The following MTUS1 variants were observed in gnomAD, a reference collection of about 807,000 sequenced individuals.
The protein encoded by MTUS1 is microtubule associated scaffold protein 1.
A neutral mutation model predicts 120.8 loss-of-function variants in MTUS1; 109 were observed. That is an observed-to-expected ratio of 0.90 (90% confidence interval 0.77 to 1.06). The LOEUF (loss-of-function observed/expected upper bound fraction) is 1.06. MTUS1 is among the 50% of genes least tolerant of loss of function. The probability of loss-of-function intolerance (pLI) is 0.00; values close to 1 mark genes in which losing one functional copy is unlikely to be tolerated. For missense variants in MTUS1, 2,210 were observed against 1,486.3 expected (o/e 1.49, Z -8.01); for synonymous variants, 737 against 550.5 (o/e 1.34, Z -4.74).
At chr8:17,736,258 G>A (rs1052402280) in intron 3 of MTUS1, among the ~76,000 whole-genome samples, 7 of 152,236 alleles carry the variant, frequency 4.6e-5, no homozygotes, top group African/African-American at 1.7e-4. Flanking sequence ...ATGTCCGTGA[G>A]GATGAAAAGA....
chr8:17,695,598 T>C (rs980849521), intron 6 of MTUS1, among the ~76,000 whole-genome samples: 3 of 152,248 alleles, frequency 2.0e-5, no homozygotes, highest in African/African-American at 7.2e-5. Context: ...CTTGGAAAGC[T>C]ATCTGCTTCA....
intron 8 of MTUS1, among the ~76,000 whole-genome samples, chr8:17,671,496 G>A (rs1477632834): frequency 5.9e-5 from 9 of 152,200 alleles, no homozygotes; most frequent in African/African-American, 1.9e-4. Context: ...AAGAGTTTCT[G>A]CAGAAGCAAA....
chr8:17,678,774 G>C (rs1286762774), intron 7 of MTUS1, among the ~76,000 whole-genome samples: 1 of 150,594 alleles, frequency 6.6e-6, no homozygotes. Flanking sequence ...AGATGTGGAG[G>C]CATTTTGAAG....
chr8:17,705,820 C>T (rs571629420), intron 6 of MTUS1: 8 of 152,376 alleles, frequency 5.3e-5, no homozygotes, highest in Middle Eastern at 3.4e-3. Context: ...GACACTCTGG[C>T]ACCTGAGAGT....
chr8:17,685,385 G>C (rs952485062), intron 6 of MTUS1, among the ~76,000 whole-genome samples: 2 of 151,286 alleles, frequency 1.3e-5, no homozygotes, highest in Non-Finnish European at 2.9e-5. Context: ...AAACAGAATT[G>C]GAAAAACAGG....
intron 1 of MTUS1, among the ~76,000 whole-genome samples, chr8:17,768,360 A>G (rs2049730427): frequency 6.6e-6 from 1 of 152,224 alleles, no homozygotes; most frequent in South Asian, 2.1e-4. Context: ...CAAAACATGA[A>G]TAAGAGATCT....
At chr8:17,752,981 G>C (rs917749039) in intron 2 of MTUS1, among the ~76,000 whole-genome samples, 2 of 152,170 alleles carry the variant, frequency 1.3e-5, no homozygotes, top group African/African-American at 4.8e-5. Context: ...CCTTTACACT[G>C]CATGTGAATT....
intron 7 of MTUS1, among the ~76,000 whole-genome samples, chr8:17,682,307 G>C (rs1019068567): frequency 6.6e-6 from 1 of 152,124 alleles, no homozygotes; most frequent in Non-Finnish European, 1.5e-5. Context: ...CCTGAGGTCA[G>C]GAGTTCAAGA....
rs76567642 is a variant in MTUS1 at position 17,774,971 on chromosome 8, T to TAAA, written c.-154-19013_-154-19011dup. ...GGCTGAACCCTGAAAATATTATAAGTAAAAAAAAAAAAAAAAAAAAAACCA... is the reference window on the plus strand; with the variant it reads ...GGCTGAACCCTGAAAATATTATAAGTAAAAAAAAAAAAAAAAAAAAAAAAACCA... On this transcript the variant is annotated intron_variant, in intron 1 of 14. Transcript: ENST00000693296. 6.1e-3 allele frequency among the ~76,000 whole-genome samples: 587 copies of TAAA among 96,854 alleles called. 14 individuals are homozygous for TAAA. Among genetic ancestry groups the TAAA allele is most frequent in the Middle Eastern group, 8.6e-3 (1 of 116 alleles). 63.5% of individuals were successfully genotyped at this position (96,854 alleles called of 152,430 possible). A position where few individuals can be genotyped will look rare whatever the true frequency, so the allele number is the denominator to read the frequency against.
At chr8:17,784,646 T>G (rs1026360902) in intron 1 of MTUS1, among the ~76,000 whole-genome samples, 9 of 152,172 alleles carry the variant, frequency 5.9e-5, no homozygotes, top group Admixed American at 2.0e-4. Flanking sequence ...GAGTTCCAAC[T>G]GGCTACAAAG....
chr8:17,646,991 G>A lies in MTUS1; in HGVS notation c.3590C>T (p.Ala1197Val). ...ACTGTTTTATTTTTACCTTGAGATTGCCATGTGCTTGTCCATCCGAGCTTT... is the reference window on the plus strand; with the variant it reads ...ACTGTTTTATTTTTACCTTGAGATTACCATGTGCTTGTCCATCCGAGCTTT... ...ELKARMDKHM[A>V]ISRQLSTEQA... is the part of the protein sequence containing the mutation. The change falls in exon 14 of 15, where the codon GCA (alanine) becomes GTA (valine). Residue 1197 changes from alanine to valine, a missense_variant. Transcript: ENST00000693296. 3 of 1,612,840 alleles carry A rather than the reference G, an allele frequency of 1.9e-6. No homozygotes were observed. Among genetic ancestry groups the A allele is most frequent in the South Asian group, 1.1e-5 (1 of 91,034 alleles).
intron 8 of MTUS1, among the ~76,000 whole-genome samples, chr8:17,674,052 A>G (rs1306612062): frequency 6.6e-6 from 1 of 152,202 alleles, no homozygotes; most frequent in Non-Finnish European, 1.5e-5. Flanking sequence ...CTGAAGCTGA[A>G]GCAGGAAGTT....
chr8:17,721,164 T>G (rs751406666), intron 4 of MTUS1, among the ~76,000 whole-genome samples: 1 of 152,114 alleles, frequency 6.6e-6, no homozygotes, highest in Non-Finnish European at 1.5e-5. Context: ...TTCAAATACT[T>G]AAGCCAGTAT....
intron 2 of MTUS1, among the ~76,000 whole-genome samples, chr8:17,748,709 C>A (rs2047957547): frequency 6.6e-6 from 1 of 151,726 alleles, no homozygotes. Flanking sequence ...CACACTCCTG[C>A]CCGCAAGAGG....
chr8:17,764,669 T>C (rs1408653631), intron 1 of MTUS1, among the ~76,000 whole-genome samples: 1 of 152,226 alleles, frequency 6.6e-6, no homozygotes, highest in Non-Finnish European at 1.5e-5. Context: ...TATTCAAGTC[T>C]GCTGTTGTAG....
chr8:17,676,293 G>C, intron 7 of MTUS1: 1 of 703,060 alleles, frequency 1.4e-6, no homozygotes, highest in Non-Finnish European at 2.6e-6. Context: ...GCTGCACATG[G>C]AGAATAGAGG....
rs191235588 is a variant in MTUS1 at position 17,730,682 on chromosome 8, A to C, written c.2288-6849T>G. Among the ~76,000 whole-genome samples, 88 of 152,292 alleles carry C rather than the reference A, an allele frequency of 5.8e-4. No individual in the cohort carries two copies. The East Asian group carries it at 0.013, about 22-fold the overall frequency. ...AAAAAGGAAGTTGACACATGCTACA[A>C]CATGGATGAACCTTGAGGACACGGT... is the stretch of plus-strand genomic sequence containing the variant. On this transcript the variant is annotated intron_variant, in intron 3 of 14. Coordinates refer to ENST00000693296, the MANE Select transcript of MTUS1 (RefSeq NM_001363059.2).
chr8:17,669,405 G>A (rs762555181), intron 8 of MTUS1, among the ~76,000 whole-genome samples: 1 of 152,292 alleles, frequency 6.6e-6, no homozygotes, highest in African/African-American at 2.4e-5. Context: ...GCCTGGGAGG[G>A]GAAAGGAGGT....
intron 2 of MTUS1, among the ~76,000 whole-genome samples, chr8:17,744,735 G>A (rs2047613465): frequency 8.7e-6 from 1 of 115,440 alleles, no homozygotes; most frequent in African/African-American, 3.3e-5. Flanking sequence ...TAGTAGAGAT[G>A]AGGTTTCGCC....
Sources: allele counts gnomAD v4.1 joint callset (sites outside exome capture counted in the v4.1 genomes callset), GRCh38; gene constraint gnomAD v4.1.1; transcripts MANE v1.5; gene names NCBI Gene and HGNC (gene_info 2026-07-23, HGNC 2026-07-21).